The following PRKN variants were observed in gnomAD, a reference collection of about 807,000 sequenced individuals.
PRKN encodes the protein parkin RBR E3 ubiquitin protein ligase.
A neutral mutation model predicts 59.5 loss-of-function variants in PRKN; 56 were observed. The ratio of observed to expected loss-of-function variants is 0.94; its 90% CI spans 0.76 to 1.18. The LOEUF is 1.18. Among genes scored for constraint, PRKN ranks in the 50% most tolerant of loss-of-function variants. The pLI is 0.00. For missense variants in PRKN, 657 were observed against 596.4 expected (o/e 1.10, Z -1.06); for synonymous variants, 250 against 222.1 (o/e 1.13, Z -1.12).
rs768027781 is a variant in PRKN at position 162,279,922 on chromosome 6, T to C, written c.172-17157A>G. ...TGTTGTATTGATCCCTTTACCATTA[T>C]GTAATGCCTTTCTTTGTCTGTTTTG... is the stretch of plus-strand genomic sequence containing the variant. On this transcript the variant is annotated intron_variant, in intron 2 of 11. Transcript: ENST00000366898. 2.4e-4 allele frequency among the ~76,000 whole-genome samples: 36 copies of C among 152,356 alleles called. No individual in the cohort carries two copies. The East Asian group carries it at 5.6e-3, about 24-fold the overall frequency.
At chr6:162,333,304 T>C (rs1783674220) in intron 2 of PRKN, among the ~76,000 whole-genome samples, 2 of 151,904 alleles carry the variant, frequency 1.3e-5, no homozygotes, top group African/African-American at 4.8e-5. Context: ...CCTCTTGTCA[T>C]TGTGCTTCAA....
intron 2 of PRKN, among the ~76,000 whole-genome samples, chr6:162,405,994 C>A (rs1203512401): frequency 6.6e-6 from 1 of 152,098 alleles, no homozygotes; most frequent in Non-Finnish European, 1.5e-5. Context: ...TGGAATGGAC[C>A]CTCCTGCTGG....
intron 6 of PRKN, among the ~76,000 whole-genome samples, chr6:161,833,933 C>T (rs891104414): frequency 6.6e-6 from 1 of 151,968 alleles, no homozygotes. Flanking sequence ...ACTCATGATT[C>T]GTTTTTTATT....
chr6:162,394,891 G>A (rs920344448), intron 2 of PRKN, among the ~76,000 whole-genome samples: 2 of 152,130 alleles, frequency 1.3e-5, no homozygotes, highest in African/African-American at 4.8e-5. Context: ...TTTGCATCTC[G>A]TTTTCCTAGT....
intron 6 of PRKN, among the ~76,000 whole-genome samples, chr6:161,880,729 G>A (rs1414023239): frequency 6.6e-6 from 1 of 152,080 alleles, no homozygotes; most frequent in East Asian, 1.9e-4. Flanking sequence ...GCACTTCCTG[G>A]GCACTACCTC....
At chr6:161,889,131 A>AT (rs1330126073) in intron 6 of PRKN, among the ~76,000 whole-genome samples, 2 of 152,216 alleles carry the variant, frequency 1.3e-5, no homozygotes, top group Non-Finnish European at 2.9e-5. Flanking sequence ...TAAAAAAGAT[A>AT]TATTCCAAGG....
Position 161,414,034 on chromosome 6 carries a change from C to T in PRKN, c.1084-27157G>A, listed in dbSNP as rs976788148. Among the ~76,000 whole-genome samples the T allele has an allele frequency of 6.6e-6, 1 of 152,092 alleles. No individual in the cohort carries two copies. The highest frequency in any genetic ancestry group is 2.4e-5 in the African/African-American group (1 of 41,414). On this transcript the variant is annotated intron_variant, in intron 9 of 11. Transcript: ENST00000366898. The surrounding 1 kb of genome is among the most constrained non-coding windows in gnomAD (Gnocchi z 5.3). ...GGCAGAGCGGTGGGACGTGAAACTC[C>T]TCGACAGCACTGTGTCCTGGGCCGA...
chr6:162,063,084 C>A (rs763976320), intron 4 of PRKN, among the ~76,000 whole-genome samples: 1 of 152,110 alleles, frequency 6.6e-6, no homozygotes, highest in Non-Finnish European at 1.5e-5. Context: ...TGTAAGGACA[C>A]AGAAGGCTCT....
At chr6:162,611,951 C>T (rs957926817) in intron 1 of PRKN, among the ~76,000 whole-genome samples, 6 of 151,292 alleles carry the variant, frequency 4.0e-5, no homozygotes, top group South Asian at 2.1e-4. Flanking sequence ...TTTGGGAGGC[C>T]AAGGCGGGCG....
Position 161,352,354 on chromosome 6 carries a change from T to C in PRKN, c.1286-2143A>G, listed in dbSNP as rs1043986004. ...TTTCCTAATCCTTTCTGGCTTGTTTTAAAGATCATAAATTACAGATCTGTG... is the reference window on the plus strand; with the variant it reads ...TTTCCTAATCCTTTCTGGCTTGTTTCAAAGATCATAAATTACAGATCTGTG... On this transcript the variant is annotated intron_variant, in intron 11 of 11. Coordinates refer to ENST00000366898, the MANE Select transcript of PRKN (RefSeq NM_004562.3). This position sits in a 1 kb window ranked among gnomAD's most constrained non-coding sequence, Gnocchi z 5.8. Among the ~76,000 whole-genome samples the C allele has an allele frequency of 6.6e-6, 1 of 152,198 alleles. No homozygotes were observed. Among genetic ancestry groups the C allele is most frequent in the Non-Finnish European group, 1.5e-5 (1 of 68,038 alleles).
At position 161,561,546 on chromosome 6, in the gene PRKN, A is replaced by G. The variant is rs1780454865; in HGVS notation, c.933+7809T>C. Reference sequence around the variant, plus strand: ...ATCATACTGCATCTCTCCTCTTCACATCCCTGCAACTATGAACACACCTGC... The same window carrying G: ...ATCATACTGCATCTCTCCTCTTCACGTCCCTGCAACTATGAACACACCTGC... On this transcript the variant is annotated intron_variant, in intron 8 of 11. Transcript: ENST00000366898. This position sits in a 1 kb window ranked among gnomAD's most constrained non-coding sequence, Gnocchi z 5.0. Among the ~76,000 whole-genome samples, 1 of 152,066 alleles carries G rather than the reference A, an allele frequency of 6.6e-6. No individual in the cohort carries two copies. Among genetic ancestry groups the G allele is most frequent in the Non-Finnish European group, 1.5e-5 (1 of 68,010 alleles).
Position 161,503,560 on chromosome 6 carries a change from A to G in PRKN, c.1083+45294T>C, listed in dbSNP as rs947158389. Among the ~76,000 whole-genome samples the G allele has an allele frequency of 9.2e-5, 14 of 152,238 alleles. No individual in the cohort carries two copies. The highest frequency in any genetic ancestry group is 3.4e-4 in the African/African-American group (14 of 41,532). On this transcript the variant is annotated intron_variant, in intron 9 of 11. Transcript: ENST00000366898. The surrounding 1 kb of genome is among the most constrained non-coding windows in gnomAD (Gnocchi z 5.1). ...AGATACTTATTAATTACCCTCATTT[A>G]ACAGAGGTTTATGGAGGTGAGGGAC...
At chr6:162,303,658 T>C (rs1035380065) in intron 2 of PRKN, among the ~76,000 whole-genome samples, 2 of 152,212 alleles carry the variant, frequency 1.3e-5, no homozygotes, top group Non-Finnish European at 2.9e-5. Context: ...TATCAAATTA[T>C]ACTGGTCAAA....
rs201126348 is a variant in PRKN at position 162,481,448 on chromosome 6, G to GA, written c.8-37976dup. 5.0e-3 allele frequency among the ~76,000 whole-genome samples: 761 copies of GA among 151,828 alleles called. 6 individuals are homozygous for GA. The highest frequency in any genetic ancestry group is 0.018 in the African/African-American group (730 of 41,430). ...TAAGATTCTACCACTACTGGTGGGG[G>GA]AAAAAAAAGCAGTTTTTTTGTTAAC... is the stretch of plus-strand genomic sequence containing the variant. On this transcript the variant is annotated intron_variant, in intron 1 of 11. Transcript: ENST00000366898.
chr6:162,495,557 C>T (rs377172074), intron 1 of PRKN, among the ~76,000 whole-genome samples: 2 of 152,094 alleles, frequency 1.3e-5, no homozygotes, highest in African/African-American at 4.8e-5. Context: ...TCCAGTGTGC[C>T]GTGTGAGCCA....
At chr6:162,552,815 C>G (rs1239019886) in intron 1 of PRKN, among the ~76,000 whole-genome samples, 1 of 152,042 alleles carries the variant, frequency 6.6e-6, no homozygotes, top group East Asian at 1.9e-4. Context: ...GACCTTCAAC[C>G]TTCAGAAGTT....
intron 4 of PRKN, among the ~76,000 whole-genome samples, chr6:162,132,712 T>G (rs779320770): frequency 6.6e-6 from 1 of 151,988 alleles, no homozygotes; most frequent in Non-Finnish European, 1.5e-5. Flanking sequence ...CAGTTCAAAG[T>G]TGAAGGCAAC....
At chr6:161,960,621 G>A (rs1221131160) in intron 6 of PRKN, among the ~76,000 whole-genome samples, 1 of 152,174 alleles carries the variant, frequency 6.6e-6, no homozygotes, top group Non-Finnish European at 1.5e-5. Flanking sequence ...TGAAAGAGAT[G>A]GGTTTTAAGC....
At chr6:162,394,772 G>T (rs1038393588) in intron 2 of PRKN, among the ~76,000 whole-genome samples, 1 of 152,312 alleles carries the variant, frequency 6.6e-6, no homozygotes, top group East Asian at 1.9e-4. Flanking sequence ...CTGTACCCAA[G>T]AAGTAGAGCT....
Sources: allele counts gnomAD v4.1 joint callset (sites outside exome capture counted in the v4.1 genomes callset), GRCh38; gene constraint gnomAD v4.1.1; non-coding constraint Gnocchi (gnomAD v3.1); transcripts MANE v1.5; gene names NCBI Gene and HGNC (gene_info 2026-07-23, HGNC 2026-07-21).